NFE2L3: variants seen among roughly 807,000 people sequenced by gnomAD.
The protein encoded by NFE2L3 is nuclear factor erythroid 2-related factor 3.
Under a neutral mutation model 23.5 loss-of-function variants are expected in NFE2L3, and 18 were observed. That is an observed-to-expected ratio of 0.77 (90% CI 0.53 to 1.13). The LOEUF (loss-of-function observed/expected upper bound fraction) is 1.13. Ranked by LOEUF, NFE2L3 falls within the 50% of genes most tolerant of loss-of-function variation. The probability of loss-of-function intolerance (pLI) is 0.00; values close to 1 mark genes in which losing one functional copy is unlikely to be tolerated. For missense variants in NFE2L3, 1,152 were observed against 877.2 expected, an observed-to-expected ratio of 1.31 and a Z score of -3.96; for synonymous variants, 424 against 354.5, an observed-to-expected ratio of 1.20 and a Z score of -2.20.
chr7:26,157,373 C>T (rs1238759508), intron 1 of NFE2L3, among the ~76,000 whole-genome samples: 1 of 151,514 alleles, frequency 6.6e-6, no homozygotes, highest in African/African-American at 2.4e-5. Flanking sequence ...GAAATAAGGT[C>T]TCTCTGTGTT....
intron 3 of NFE2L3, 192 bp downstream of exon 3, chr7:26,183,976 AATTTAGACTAGTC>A: frequency 1.9e-6 from 1 of 533,268 alleles, no homozygotes. Flanking sequence ...GGTATAATCA[AATTTAGACTAGTC>A]ATGGAAAACA....
Position 26,152,839 on chromosome 7 carries a change from A to G in NFE2L3, c.341A>G (p.His114Arg), listed in dbSNP as rs1473000490. The G allele has an allele frequency of 1.2e-5, 18 of 1,476,752 alleles. No homozygotes were observed. The highest frequency in any genetic ancestry group is 5.9e-5 in the East Asian group (2 of 33,934). 91.5% of individuals were successfully genotyped at this position (1,476,752 alleles called of 1,614,324 possible). The part of the protein sequence containing the change: ...PRTSVDAWLV[H>R]SVAAGSADEA... ...ACCAGCGTGGATGCATGGCTGGTGC[A>G]CAGCGTGGCTGCCGGGAGCGCGGAC... Residue 114 changes from histidine (H) to arginine (R), a missense_variant, in exon 1 of 4, where the codon CAC (histidine) becomes CGC (arginine). Physicochemically the swap from His to Arg is conservative, Grantham distance 29 (BLOSUM62 0). Coordinates refer to ENST00000056233, the MANE Select transcript of NFE2L3 (RefSeq NM_004289.7). The surrounding 1 kb of genome is among the most constrained non-coding windows in gnomAD (Gnocchi z 4.4).
At chr7:26,166,127 C>T (rs1270078413) in intron 1 of NFE2L3, among the ~76,000 whole-genome samples, 7 of 74,522 alleles carry the variant, frequency 9.4e-5, no homozygotes, top group South Asian at 8.8e-4. Context: ...GTGAAGCGAG[C>T]GGGTGGGGCG....
chr7:26,171,474 G>C (rs1245791401), intron 1 of NFE2L3, among the ~76,000 whole-genome samples: 2 of 151,896 alleles, frequency 1.3e-5, no homozygotes, highest in African/African-American at 4.8e-5. Flanking sequence ...AACCCTGCAG[G>C]TGGAGGTTGC....
chr7:26,177,362 C>T (rs1306387121), intron 1 of NFE2L3, among the ~76,000 whole-genome samples: 2 of 152,204 alleles, frequency 1.3e-5, no homozygotes, highest in African/African-American at 4.8e-5. Flanking sequence ...CTCGGGAGGC[C>T]GAGGCGGGCA....
At chr7:26,183,620 T>C (rs1782388719) in intron 2 of NFE2L3, 81 bp from the exon 3 acceptor site, 2 of 810,940 alleles carry the variant, frequency 2.5e-6, no homozygotes, top group Admixed American at 2.0e-5. Context: ...TAATACCTGG[T>C]GATCCTTTAA....
chr7:26,156,358 T>C (rs1784080470), intron 1 of NFE2L3, among the ~76,000 whole-genome samples: 1 of 152,320 alleles, frequency 6.6e-6, no homozygotes, highest in African/African-American at 2.4e-5. Context: ...AATAGATAAT[T>C]CCGGTGGCTT....
rs1050390636 is a variant in NFE2L3 at position 26,186,419 on chromosome 7, A to G, written c.*636A>G. The G allele has an allele frequency of 4.6e-5, 7 of 152,360 alleles. No individual in the cohort carries two copies. Among genetic ancestry groups the G allele is most frequent in the African/African-American group, 1.7e-4 (7 of 41,464 alleles). 9.4% of individuals were successfully genotyped at this position (152,360 alleles called of 1,614,324 possible). ...ATAGCAAACTGCTCAGACTCAAGCC[A>G]AATTGAGGTCAACATAGTATGCCAA... On this transcript the variant is annotated 3_prime_UTR_variant, in exon 4 of 4. Transcript: ENST00000056233.
At chr7:26,181,354 G>T (rs1356685717) in intron 2 of NFE2L3, among the ~76,000 whole-genome samples, 1 of 152,132 alleles carries the variant, frequency 6.6e-6, no homozygotes, top group Non-Finnish European at 1.5e-5. Flanking sequence ...TTTAAAGCTT[G>T]TTGAAATAAA....
chr7:26,156,105 G>A (rs181569672), intron 1 of NFE2L3, among the ~76,000 whole-genome samples: 3 of 152,280 alleles, frequency 2.0e-5, no homozygotes, highest in South Asian at 2.1e-4. Context: ...GCTCTACCAC[G>A]TCTGTGACCT....
At chr7:26,158,417 C>T (rs975044715) in intron 1 of NFE2L3, among the ~76,000 whole-genome samples, 11 of 152,158 alleles carry the variant, frequency 7.2e-5, no homozygotes, top group African/African-American at 2.7e-4. Flanking sequence ...CAATCTATAA[C>T]AATCACCATC....
chr7:26,167,958 C>G (rs1293293359), intron 1 of NFE2L3, among the ~76,000 whole-genome samples: 2 of 151,498 alleles, frequency 1.3e-5, no homozygotes, highest in Non-Finnish European at 2.9e-5. Flanking sequence ...TTTTTATTTC[C>G]AAACAGGTGG....
Position 26,186,305 on chromosome 7 carries a change from C to T in NFE2L3, c.*522C>T, listed in dbSNP as rs1782486416. 1 of 152,116 alleles carries T rather than the reference C, an allele frequency of 6.6e-6. No individual in the cohort carries two copies. Among genetic ancestry groups the T allele is most frequent in the Admixed American group, 6.6e-5 (1 of 15,264 alleles). 9.4% of individuals were successfully genotyped at this position (152,116 alleles called of 1,614,324 possible). ...ATTTGTATTAAAAATTAACTTTTCC[C>T]TTTTATACAGAATCTGAACCAAATT... On this transcript the variant is annotated 3_prime_UTR_variant, in exon 4 of 4. Transcript: ENST00000056233.
Position 26,177,930 on chromosome 7 carries a change from CG to C in NFE2L3, c.571-12del. 6.2e-7 allele frequency: 1 copy of C among 1,602,290 alleles called. No homozygotes were observed. Among genetic ancestry groups the C allele is most frequent in the Non-Finnish European group, 8.5e-7 (1 of 1,175,396 alleles). The stretch of plus-strand genomic sequence containing the variant: ...ACTGTTTGCTTATTTGATGAAATTT[CG>C]TACTTTTATAGGAGAATGGGGTACT... On this transcript the variant is annotated splice_polypyrimidine_tract_variant and intron_variant, in intron 1 of 3. Coordinates refer to ENST00000056233, the MANE Select transcript of NFE2L3 (RefSeq NM_004289.7).
chr7:26,164,343 G>A (rs557544959), intron 1 of NFE2L3, among the ~76,000 whole-genome samples: 3 of 152,238 alleles, frequency 2.0e-5, no homozygotes, highest in South Asian at 2.1e-4. Flanking sequence ...TTTAATGATC[G>A]CCATTCTAAC....
At position 26,165,257 on chromosome 7, in the gene NFE2L3, G is replaced by A. The variant is rs546405175; in HGVS notation, c.570+12189G>A. ...CCTTGGGCAGTATGGCCATTTTCACGATATTGATTCTTCCTACCCATGAGC... is the reference window on the plus strand; with the variant it reads ...CCTTGGGCAGTATGGCCATTTTCACAATATTGATTCTTCCTACCCATGAGC... On this transcript the variant is annotated intron_variant, in intron 1 of 3. Transcript: ENST00000056233. Among the ~76,000 whole-genome samples, 789 of 152,234 alleles carry A rather than the reference G, an allele frequency of 5.2e-3. 8 individuals carry two copies. Among genetic ancestry groups the A allele is most frequent in the African/African-American group, 0.018 (733 of 41,548 alleles).
chr7:26,154,097 C>G (rs1039838991), intron 1 of NFE2L3, among the ~76,000 whole-genome samples: 2 of 152,124 alleles, frequency 1.3e-5, no homozygotes, highest in African/African-American at 4.8e-5. Context: ...GCCAGACAAG[C>G]TTCTCCACCC....
rs1303923119 is a variant in NFE2L3 at position 26,152,251 on chromosome 7, T to C, written c.-248T>C. ...GCGGCTGGGCGAACGGGCTCGGCGCTCAGGTGGCTCCTTCTTCGCTTCTCC... is the reference window on the plus strand; with the variant it reads ...GCGGCTGGGCGAACGGGCTCGGCGCCCAGGTGGCTCCTTCTTCGCTTCTCC... On this transcript the variant is annotated 5_prime_UTR_variant, in exon 1 of 4. Coordinates refer to ENST00000056233, the MANE Select transcript of NFE2L3 (RefSeq NM_004289.7). This position sits in a 1 kb window ranked among gnomAD's most constrained non-coding sequence, Gnocchi z 4.4. 4 of 216,050 alleles carry C rather than the reference T, an allele frequency of 1.9e-5. No individual in the cohort carries two copies. Among genetic ancestry groups the C allele is most frequent in the African/African-American group, 9.3e-5 (4 of 42,970 alleles). The allele number at this position is 216,050 out of a possible 1,614,324, so 13.4% of individuals were successfully genotyped here.
intron 2 of NFE2L3, among the ~76,000 whole-genome samples, chr7:26,181,324 G>A (rs892352563): frequency 6.6e-6 from 1 of 152,080 alleles, no homozygotes; most frequent in African/African-American, 2.4e-5. Context: ...CTTTTATTGG[G>A]CTATTACTTA....
Sources: allele counts gnomAD v4.1 joint callset (sites outside exome capture counted in the v4.1 genomes callset), GRCh38; gene constraint gnomAD v4.1.1; non-coding constraint Gnocchi (gnomAD v3.1); transcripts MANE v1.5; gene names NCBI Gene and HGNC (gene_info 2026-07-23, HGNC 2026-07-21).